GLIS1: variants seen among roughly 807,000 people sequenced by gnomAD.
The protein encoded by GLIS1 is GLIS family zinc finger 1.
Under a neutral mutation model 63.8 loss-of-function variants are expected in GLIS1, and 24 were observed. The observed-to-expected ratio is 0.38, with a 90% CI of 0.27 to 0.53. The LOEUF (loss-of-function observed/expected upper bound fraction) is 0.53, where lower values mean the gene tolerates loss of function less well. Among genes scored for constraint, GLIS1 ranks in the 20% least tolerant of loss-of-function variants. GLIS1 has a pLI of 0.85. For missense variants in GLIS1, 1,036 were observed against 1,074.1 expected (o/e 0.96, Z 0.50); for synonymous variants, 450 against 482.5 (o/e 0.93, Z 0.88).
intron 2 of GLIS1, among the ~76,000 whole-genome samples, chr1:53,654,560 A>T (rs1645943539): frequency 6.6e-6 from 1 of 152,180 alleles, no homozygotes; most frequent in African/African-American, 2.4e-5. Flanking sequence ...CCTGGATGAG[A>T]TTGAGAGAAA....
intron 2 of GLIS1, among the ~76,000 whole-genome samples, chr1:53,722,856 G>C (rs1475040402): frequency 6.6e-6 from 1 of 151,288 alleles, no homozygotes; most frequent in African/African-American, 2.4e-5. Flanking sequence ...GAGTAGGCCA[G>C]GTGCAGTGGT....
In GLIS1 at chr1:53,560,580, C is replaced by T. The variant is rs1644876633; in HGVS notation, c.1321-30628G>A. On this transcript the variant is annotated intron_variant, in intron 4 of 10. Coordinates refer to ENST00000628545, the MANE Select transcript of GLIS1 (RefSeq NM_001367484.1). This position sits in a 1 kb window ranked among gnomAD's most constrained non-coding sequence, Gnocchi z 4.4. ...AGGGCAGAGCGGGCTATAGGTGAGA[C>T]TGAAGACAGGCCCCTATTTGGCTGG... Among the ~76,000 whole-genome samples the T allele has an allele frequency of 6.6e-6, 1 of 152,222 alleles. No individual in the cohort carries two copies. Among genetic ancestry groups the T allele is most frequent in the Non-Finnish European group, 1.5e-5 (1 of 68,032 alleles).
At chr1:53,529,770 G>C (rs767556718) in intron 5 of GLIS1, 21 bp downstream of exon 5, 82 of 1,606,342 alleles carry the variant, frequency 5.1e-5, no homozygotes, top group Non-Finnish European at 6.6e-5. Context: ...CCCGCCCTGG[G>C]CCTCTGCCTG....
At chr1:53,678,095 GC>G (rs1646233698) in intron 2 of GLIS1, among the ~76,000 whole-genome samples, 1 of 152,036 alleles carries the variant, frequency 6.6e-6, no homozygotes, top group African/African-American at 2.4e-5. Flanking sequence ...GCTGTGGATG[GC>G]CCGAGGTCTG....
At chr1:53,509,517 C>T (rs902293393) in intron 9 of GLIS1, among the ~76,000 whole-genome samples, 1 of 152,120 alleles carries the variant, frequency 6.6e-6, no homozygotes, top group South Asian at 2.1e-4. Flanking sequence ...GATGGTCTCA[C>T]GTGGCTGCTC....
chr1:53,598,819 C>T lies in GLIS1; in HGVS notation c.437+1282G>A, dbSNP rs1210235210. 6.6e-6 allele frequency among the ~76,000 whole-genome samples: 1 copy of T among 152,188 alleles called. No homozygotes were observed. The highest frequency in any genetic ancestry group is 1.5e-5 in the Non-Finnish European group (1 of 68,034). ...GGAAGCCAGAAGGAATCTAAATTCT[C>T]AAAGGAAAATGGTTGCACTTGGGAA... On this transcript the variant is annotated intron_variant, in intron 3 of 10. Coordinates refer to ENST00000628545, the MANE Select transcript of GLIS1 (RefSeq NM_001367484.1). This position sits in a 1 kb window ranked among gnomAD's most constrained non-coding sequence, Gnocchi z 4.6.
intron 2 of GLIS1, among the ~76,000 whole-genome samples, chr1:53,719,460 G>A (rs1259831469): frequency 6.6e-6 from 1 of 152,210 alleles, no homozygotes; most frequent in East Asian, 1.9e-4. Context: ...GCGTATGCCA[G>A]TAAGGATCTC....
intron 4 of GLIS1, among the ~76,000 whole-genome samples, chr1:53,579,287 G>C (rs1645062149): frequency 1.3e-5 from 2 of 152,154 alleles, no homozygotes; most frequent in Non-Finnish European, 2.9e-5. Flanking sequence ...CAGCTTCCTG[G>C]GGCCCAGGCC....
intron 2 of GLIS1, among the ~76,000 whole-genome samples, chr1:53,665,736 GC>G (rs1646084262): frequency 6.6e-6 from 1 of 152,212 alleles, no homozygotes; most frequent in Non-Finnish European, 1.5e-5. Context: ...GTGAGAAGCA[GC>G]TATCAAGGAG....
rs114604162 is a variant in GLIS1, at chr1:53,511,252, G to A, written c.1884-1225C>T. 7.4e-3 allele frequency among the ~76,000 whole-genome samples: 1,120 copies of A among 152,286 alleles called. 13 individuals are homozygous for A. Among genetic ancestry groups the A allele is most frequent in the African/African-American group, 0.025 (1,052 of 41,530 alleles). On this transcript the variant is annotated intron_variant, in intron 8 of 10. Transcript: ENST00000628545. The surrounding 1 kb of genome is among the most constrained non-coding windows in gnomAD (Gnocchi z 4.2). ...GACCATCCACATTAAAATATACAGC[G>A]AATTCAATGTCACAGCTCCAGGTGA...
At chr1:53,687,341 GAA>G (rs963605737) in intron 2 of GLIS1, among the ~76,000 whole-genome samples, 15 of 152,188 alleles carry the variant, frequency 9.9e-5, no homozygotes, top group African/African-American at 3.6e-4. Context: ...TGGAAAGAAA[GAA>G]AGAGTCTCCT....
intron 8 of GLIS1, among the ~76,000 whole-genome samples, chr1:53,510,255 C>T (rs563593578): frequency 3.3e-5 from 5 of 152,230 alleles, no homozygotes; most frequent in Non-Finnish European, 5.9e-5. Context: ...CAGCAAGAAA[C>T]ACAGGTAAGA....
intron 1 of GLIS1, among the ~76,000 whole-genome samples, 156 bp downstream of exon 1, chr1:53,738,949 A>G (rs1010399101): frequency 1.3e-5 from 2 of 152,204 alleles, no homozygotes; most frequent in African/African-American, 4.8e-5. Context: ...AGCCTCCCTC[A>G]GCCCTTCCAT....
chr1:53,704,890 G>T (rs1179361493), intron 2 of GLIS1, among the ~76,000 whole-genome samples: 1 of 152,180 alleles, frequency 6.6e-6, no homozygotes, highest in East Asian at 1.9e-4. Context: ...ATTTACAGGG[G>T]TTGCAGCTTG....
chr1:53,559,715 C>A (rs1395060072), intron 4 of GLIS1, among the ~76,000 whole-genome samples: 1 of 152,188 alleles, frequency 6.6e-6, no homozygotes, highest in African/African-American at 2.4e-5. Context: ...TGGCCTCAGC[C>A]CTGCAGCCAG....
At chr1:53,682,245 C>T (rs995112663) in intron 2 of GLIS1, among the ~76,000 whole-genome samples, 2 of 152,358 alleles carry the variant, frequency 1.3e-5, no homozygotes, top group East Asian at 1.9e-4. Flanking sequence ...ATGCATTCTT[C>T]ACTCCTTCAG....
chr1:53,568,106 G>T (rs180680336), intron 4 of GLIS1, among the ~76,000 whole-genome samples: 27 of 152,344 alleles, frequency 1.8e-4, no homozygotes, highest in East Asian at 1.9e-4. Context: ...GAAAGCAGCC[G>T]CGGGGGCTGT....
chr1:53,626,945 A>C (rs2100225909), intron 2 of GLIS1, among the ~76,000 whole-genome samples: 1 of 152,342 alleles, frequency 6.6e-6, no homozygotes, highest in East Asian at 1.9e-4. Context: ...ACCTGTGATA[A>C]ATGTGGAAGG....
chr1:53,529,615 A>G (rs919464921), intron 5 of GLIS1, among the ~76,000 whole-genome samples, 176 bp downstream of exon 5: 1 of 152,180 alleles, frequency 6.6e-6, no homozygotes, highest in Non-Finnish European at 1.5e-5. Flanking sequence ...GAGGCCAGGG[A>G]TAACTGCTAA....
Sources: gnomAD v4.1 joint callset for allele counts (sites outside exome capture counted in the v4.1 genomes callset) on GRCh38, gnomAD v4.1.1 for gene constraint, Gnocchi (gnomAD v3.1) non-coding constraint, MANE v1.5 for transcripts, NCBI Gene and HGNC (gene_info 2026-07-23, HGNC 2026-07-21) for gene names.